Variants in ERICH6B observed in about 807,000 individuals in gnomAD.
ERICH6B encodes the protein glutamate rich 6B.
In ERICH6B, 69 loss-of-function variants were observed where a neutral mutation model predicts 80.0. That is an observed-to-expected ratio of 0.86 (90% CI 0.71 to 1.05). The LOEUF (loss-of-function observed/expected upper bound fraction) is 1.05, where lower values mean the gene tolerates loss of function less well. ERICH6B is among the 50% of genes least tolerant of loss of function. ERICH6B has a pLI of 0.00. For synonymous variants in ERICH6B, 283 were observed against 291.9 expected (o/e 0.97, Z 0.31); for missense variants, 754 against 796.1 (o/e 0.95, Z 0.64).
intron 9 of ERICH6B, among the ~76,000 whole-genome samples, chr13:45,567,556 T>G (rs999296296): frequency 2.6e-5 from 4 of 152,212 alleles, no homozygotes; most frequent in Non-Finnish European, 5.9e-5. Flanking sequence ...AAAAGCTGTC[T>G]TCACTTGTCT....
intron 9 of ERICH6B, among the ~76,000 whole-genome samples, chr13:45,565,706 C>T (rs1026055744): frequency 9.2e-5 from 14 of 152,230 alleles, no homozygotes; most frequent in African/African-American, 3.4e-4. Context: ...GAGGCCTCCC[C>T]AGCCATGTGG....
chr13:45,578,965 AC>A (rs1875539805), intron 7 of ERICH6B, among the ~76,000 whole-genome samples: 1 of 152,202 alleles, frequency 6.6e-6, no homozygotes, highest in Non-Finnish European at 1.5e-5. Context: ...TGGAAGAATC[AC>A]TTGAACCTGG....
At chr13:45,562,067 T>C (rs1340161528) in intron 10 of ERICH6B, among the ~76,000 whole-genome samples, 1 of 151,916 alleles carries the variant, frequency 6.6e-6, no homozygotes, top group Non-Finnish European at 1.5e-5. Context: ...CAATGACTGA[T>C]TGACTGATTG....
chr13:45,578,570 T>C (rs1399251819), intron 7 of ERICH6B, among the ~76,000 whole-genome samples: 1 of 152,228 alleles, frequency 6.6e-6, no homozygotes, highest in South Asian at 2.1e-4. Flanking sequence ...GTGCCACTGA[T>C]TGACAAGCAC....
At chr13:45,610,802 G>A (rs371613478) in intron 1 of ERICH6B, among the ~76,000 whole-genome samples, 2 of 151,232 alleles carry the variant, frequency 1.3e-5, no homozygotes, top group African/African-American at 2.4e-5. Context: ...TTGTATACAC[G>A]GTCTGTCAAG....
In ERICH6B at chr13:45,544,978, G is replaced by A; in HGVS notation, c.1654C>T (p.Leu552=). ...YDENSDIWLN[L]SSNLGYYFPK... is the part of the protein sequence containing the mutation. ...AAGTAGTAGCCCAGGTTGGAGCTCA[G>A]GTTCAACCTGGACCAGGAGAAAGCA... The change falls in exon 14 of 15, where the codon CTG becomes TTG. Residue 552 remains leucine (L), a synonymous_variant. Coordinates refer to ENST00000298738, the MANE Select transcript of ERICH6B (RefSeq NM_182542.3). The A allele has an allele frequency of 3.2e-6, 5 of 1,550,490 alleles. No individual in the cohort carries two copies. Among genetic ancestry groups the A allele is most frequent in the Non-Finnish European group, 4.4e-6 (5 of 1,146,934 alleles).
chr13:45,563,331 C>A (rs142057995), intron 10 of ERICH6B, among the ~76,000 whole-genome samples: 2 of 152,260 alleles, frequency 1.3e-5, no homozygotes, highest in African/African-American at 4.8e-5. Flanking sequence ...TCTATCCTTC[C>A]AAGAATAGAC....
chr13:45,601,423 T>C (rs1309825945), intron 2 of ERICH6B, among the ~76,000 whole-genome samples: 2 of 152,182 alleles, frequency 1.3e-5, no homozygotes, highest in African/African-American at 4.8e-5. Flanking sequence ...ACTGCTTTGA[T>C]TGCTGTCCAG....
At chr13:45,598,922 C>A (rs1387657844) in intron 2 of ERICH6B, among the ~76,000 whole-genome samples, 1 of 152,182 alleles carries the variant, frequency 6.6e-6, no homozygotes, top group East Asian at 1.9e-4. Flanking sequence ...AGGCAGCGCA[C>A]CTCTGAGAGG....
intron 6 of ERICH6B, 58 bp from the exon 7 acceptor site, chr13:45,580,032 C>T: frequency 3.1e-6 from 4 of 1,297,382 alleles, no homozygotes; most frequent in Non-Finnish European, 4.4e-6. Flanking sequence ...TAGTCCAGAC[C>T]TTTTAATCCC....
At chr13:45,614,381 G>A (rs1393359673) in intron 1 of ERICH6B, among the ~76,000 whole-genome samples, 1 of 152,190 alleles carries the variant, frequency 6.6e-6, no homozygotes, top group East Asian at 1.9e-4. Flanking sequence ...CCTCACCCAT[G>A]AGACTGTAGC....
At chr13:45,576,590 G>A (rs1478421570) in intron 7 of ERICH6B, among the ~76,000 whole-genome samples, 1 of 152,230 alleles carries the variant, frequency 6.6e-6, no homozygotes, top group Non-Finnish European at 1.5e-5. Context: ...AGACCAAGGA[G>A]CAGGCTGTGG....
intron 2 of ERICH6B, among the ~76,000 whole-genome samples, chr13:45,606,543 ATATATTTTTTT>A (rs1949866506): frequency 9.0e-5 from 1 of 11,054 alleles, no homozygotes; most frequent in Admixed American, 1.5e-3. Context: ...ATATATATAT[ATATATTTTTTT>A]TTTTTTTTTT....
At chr13:45,606,520 TATATATATATATATATATATATATA>T (rs1566307708) in intron 2 of ERICH6B, among the ~76,000 whole-genome samples, 12 of 20,210 alleles carry the variant, frequency 5.9e-4, no homozygotes, top group South Asian at 1.9e-3. Context: ...TATATATATA[TATATATATATATATATATATATATA>T]TATTTTTTTT....
In ERICH6B at chr13:45,544,833, C is replaced by A. The variant is rs142656281; in HGVS notation, c.1799G>T (p.Ser600Ile). 1 of 1,551,682 alleles carries A rather than the reference C, an allele frequency of 6.4e-7. No homozygotes were observed. The highest frequency in any genetic ancestry group is 8.7e-7 in the Non-Finnish European group (1 of 1,146,996). ...GAAGCAGAAGATGATCTTATCCTGG[C>A]TCCTTATTTGTACCTGGATGTACTC... The part of the protein sequence containing the change: ...INEYIQVQIR[S>I]QDKIIFCFTY... Residue 600 changes from serine to isoleucine, a missense_variant, in exon 14 of 15, where the codon AGC becomes ATC. Transcript: ENST00000298738.
chr13:45,568,511 A>T (rs970349207), intron 8 of ERICH6B, 60 bp from the exon 9 acceptor site: 29 of 1,416,424 alleles, frequency 2.0e-5, no homozygotes, highest in Middle Eastern at 2.3e-4. Flanking sequence ...TTGTTAGTTA[A>T]TCACTTTTCT....
chr13:45,598,594 G>C (rs889504707), intron 2 of ERICH6B, among the ~76,000 whole-genome samples: 1 of 152,120 alleles, frequency 6.6e-6, no homozygotes, highest in Non-Finnish European at 1.5e-5. Context: ...CAAGATGAGA[G>C]GTGTGATGGA....
intron 11 of ERICH6B, among the ~76,000 whole-genome samples, chr13:45,551,283 G>T (rs1050590828): frequency 6.6e-6 from 1 of 151,980 alleles, no homozygotes; most frequent in Non-Finnish European, 1.5e-5. Flanking sequence ...TTGTTTTATA[G>T]TTTATCAATT....
chr13:45,559,658 A>G (rs1285823287), intron 11 of ERICH6B, among the ~76,000 whole-genome samples: 2 of 152,156 alleles, frequency 1.3e-5, no homozygotes, highest in African/African-American at 4.8e-5. Flanking sequence ...TGACCCAATA[A>G]TCATTCAGGA....
Sources: allele counts gnomAD v4.1 joint callset (sites outside exome capture counted in the v4.1 genomes callset), GRCh38; gene constraint gnomAD v4.1.1; transcripts MANE v1.5; gene names NCBI Gene and HGNC (gene_info 2026-07-23, HGNC 2026-07-21).